The following CSMD3 variants were observed in gnomAD, a reference collection of about 807,000 sequenced individuals.
CSMD3 encodes CUB and sushi domain-containing protein 3.
Under a neutral mutation model 435.2 loss-of-function variants are expected in CSMD3, and 177 were observed. That is an observed-to-expected ratio of 0.41 (90% CI 0.36 to 0.46). The LOEUF is 0.46. CSMD3 is among the 20% of genes least tolerant of loss of function. CSMD3 has a pLI of 0.34. For synonymous variants in CSMD3, 1,656 were observed against 1,520.5 expected (o/e 1.09, Z -2.07); for missense variants, 4,265 against 4,504.6 (o/e 0.95, Z 1.52).
chr8:112,594,285 C>T (rs1328055025), intron 22 of CSMD3, among the ~76,000 whole-genome samples: 3 of 152,176 alleles, frequency 2.0e-5, no homozygotes, highest in African/African-American at 7.2e-5. Flanking sequence ...GGGTCACTCC[C>T]ACTCGAATAT....
intron 17 of CSMD3, among the ~76,000 whole-genome samples, chr8:112,657,144 C>T (rs958514283): frequency 2.7e-4 from 40 of 150,058 alleles, no homozygotes; most frequent in Non-Finnish European, 5.9e-5. Flanking sequence ...GTCACTGCAG[C>T]GTCTGCCTCC....
intron 32 of CSMD3, among the ~76,000 whole-genome samples, chr8:112,411,527 C>T (rs1164478820): frequency 6.6e-6 from 1 of 151,996 alleles, no homozygotes; most frequent in African/African-American, 2.4e-5. Flanking sequence ...TATGGAATCA[C>T]TATAGTAAAG....
intron 32 of CSMD3, among the ~76,000 whole-genome samples, chr8:112,462,460 C>T (rs746008290): frequency 6.6e-6 from 1 of 152,188 alleles, no homozygotes; most frequent in Non-Finnish European, 1.5e-5. Context: ...AACTGCCTTA[C>T]AGCAGCAGAA....
chr8:112,277,782 T>A (rs1818221185), intron 59 of CSMD3, among the ~76,000 whole-genome samples: 1 of 152,074 alleles, frequency 6.6e-6, no homozygotes, highest in African/African-American at 2.4e-5. Context: ...ATGGTGACAG[T>A]CAAGAGAGAA....
intron 3 of CSMD3, among the ~76,000 whole-genome samples, chr8:113,237,903 C>G (rs925402981): frequency 6.6e-6 from 1 of 151,852 alleles, no homozygotes; most frequent in Admixed American, 6.6e-5. Context: ...GGTGAAGCCC[C>G]GCCTCTACTA....
chr8:112,985,788 T>G (rs1365209180), intron 6 of CSMD3, among the ~76,000 whole-genome samples: 2 of 152,196 alleles, frequency 1.3e-5, no homozygotes, highest in Non-Finnish European at 2.9e-5. Flanking sequence ...TAATGCCTGA[T>G]GATCTGTCAG....
chr8:113,032,113 C>G (rs2087135397), intron 5 of CSMD3, among the ~76,000 whole-genome samples: 1 of 151,588 alleles, frequency 6.6e-6, no homozygotes, highest in Admixed American at 6.6e-5. Context: ...CAGATAATAT[C>G]TTTATACAGT....
intron 3 of CSMD3, among the ~76,000 whole-genome samples, chr8:113,177,533 C>T (rs946164681): frequency 3.8e-4 from 58 of 151,996 alleles, no homozygotes; most frequent in African/African-American, 1.3e-3. Flanking sequence ...TGTCTTCTAA[C>T]GTCCCATAAT....
chr8:113,420,222 A>G (rs1750117101), intron 1 of CSMD3, among the ~76,000 whole-genome samples: 1 of 152,176 alleles, frequency 6.6e-6, no homozygotes, highest in African/African-American at 2.4e-5. Context: ...CATCATATCA[A>G]ACAAAACACA....
intron 4 of CSMD3, among the ~76,000 whole-genome samples, chr8:113,099,864 C>T (rs1015531213): frequency 6.6e-6 from 1 of 152,072 alleles, no homozygotes; most frequent in African/African-American, 2.4e-5. Context: ...TAATAAGTTA[C>T]AAGTTCACTT....
intron 13 of CSMD3, among the ~76,000 whole-genome samples, chr8:112,739,778 G>T (rs1177970623): frequency 6.6e-6 from 1 of 151,746 alleles, no homozygotes; most frequent in African/African-American, 2.4e-5. Context: ...ATATCGCATG[G>T]TGTTTTTTCT....
At chr8:112,534,568 C>T (rs1205395512) in intron 27 of CSMD3, among the ~76,000 whole-genome samples, 1 of 152,082 alleles carries the variant, frequency 6.6e-6, no homozygotes, top group African/African-American at 2.4e-5. Context: ...AGTCCAGGAC[C>T]AGATGGATTC....
chr8:112,427,240 A>C (rs1352042496), intron 32 of CSMD3, among the ~76,000 whole-genome samples: 2 of 152,086 alleles, frequency 1.3e-5, no homozygotes, highest in Non-Finnish European at 2.9e-5. Flanking sequence ...TTGATAAAAG[A>C]TATATGCTGA....
At chr8:113,354,498 T>C (rs927496935) in intron 1 of CSMD3, among the ~76,000 whole-genome samples, 3 of 152,190 alleles carry the variant, frequency 2.0e-5, no homozygotes, top group Admixed American at 1.3e-4. Flanking sequence ...AAAGAACTTA[T>C]ATAAATTAAT....
intron 10 of CSMD3, among the ~76,000 whole-genome samples, chr8:112,909,528 T>C (rs896605439): frequency 2.0e-5 from 3 of 151,824 alleles, no homozygotes; most frequent in African/African-American, 7.2e-5. Flanking sequence ...ACGAATATGT[T>C]GAAATGTTGA....
At chr8:112,938,764 A>T (rs2083361913) in intron 9 of CSMD3, among the ~76,000 whole-genome samples, 1 of 152,164 alleles carries the variant, frequency 6.6e-6, no homozygotes, top group South Asian at 2.1e-4. Context: ...AATGCCAGAA[A>T]GTTAGGTTTC....
chr8:113,403,002 C>G (rs1242033372), intron 1 of CSMD3, among the ~76,000 whole-genome samples: 2 of 151,150 alleles, frequency 1.3e-5, no homozygotes, highest in Non-Finnish European at 3.0e-5. Context: ...GTCCAAGCAT[C>G]AAATACAATT....
At chr8:112,354,895 T>C (rs1826448868) in intron 38 of CSMD3, among the ~76,000 whole-genome samples, 1 of 152,084 alleles carries the variant, frequency 6.6e-6, no homozygotes. Context: ...ATAGCCAAAG[T>C]AATCCTAAAC....
At chr8:112,922,428 A>G (rs2082772602) in intron 9 of CSMD3, among the ~76,000 whole-genome samples, 1 of 151,930 alleles carries the variant, frequency 6.6e-6, no homozygotes, top group South Asian at 2.1e-4. Flanking sequence ...GACTATAGCT[A>G]TCTTGTTATG....
Sources: gnomAD v4.1 joint callset for allele counts (sites outside exome capture counted in the v4.1 genomes callset) on GRCh38, gnomAD v4.1.1 for gene constraint, MANE v1.5 for transcripts, NCBI Gene and HGNC (gene_info 2026-07-23, HGNC 2026-07-21) for gene names.